PCDHA2: variants seen among roughly 807,000 people sequenced by gnomAD.
The protein encoded by PCDHA2 is protocadherin alpha-2.
Under a neutral mutation model 66.0 loss-of-function variants are expected in PCDHA2, and 58 were observed. That is an observed-to-expected ratio of 0.88 (90% CI 0.71 to 1.09). PCDHA2 has a LOEUF of 1.09. Among genes scored for constraint, PCDHA2 ranks in the 50% least tolerant of loss-of-function variants. PCDHA2 has a pLI of 0.00. For synonymous variants in PCDHA2, 634 were observed against 554.0 expected, an observed-to-expected ratio of 1.14 and a Z score of -2.03; for missense variants, 1,267 against 1,242.3, an observed-to-expected ratio of 1.02 and a Z score of -0.30.
At chr5:140,996,802 T>C (rs1554255415) in intron 3 of PCDHA2, among the ~76,000 whole-genome samples, 1 of 152,218 alleles carries the variant, frequency 6.6e-6, no homozygotes, top group Non-Finnish European at 1.5e-5. Flanking sequence ...CATCCAATCA[T>C]GCTTTCCAAA....
At chr5:140,967,346 G>A (rs1332345482) in intron 1 of PCDHA2, 1 of 1,607,970 alleles carries the variant, frequency 6.2e-7, no homozygotes, top group Non-Finnish European at 8.5e-7. Flanking sequence ...CGAGCACTTC[G>A]AGCTGGACCT....
At chr5:140,841,804 T>A in intron 1 of PCDHA2, 1 of 1,613,910 alleles carries the variant, frequency 6.2e-7, no homozygotes, top group African/African-American at 1.3e-5. Flanking sequence ...CCGATGCAGA[T>A]GTTGGAGCTA....
chr5:140,808,019 G>T (rs1764082833), intron 1 of PCDHA2: 1 of 1,613,708 alleles, frequency 6.2e-7, no homozygotes, highest in African/African-American at 1.3e-5. Flanking sequence ...TGGGGACATT[G>T]TTTATTCATT....
At chr5:140,994,197 G>A (rs1449482897) in intron 3 of PCDHA2, among the ~76,000 whole-genome samples, 1 of 152,196 alleles carries the variant, frequency 6.6e-6, no homozygotes. Context: ...GGGCCTGTTG[G>A]TCCAGAATGG....
At chr5:140,971,110 G>A (rs2096457221) in intron 1 of PCDHA2, among the ~76,000 whole-genome samples, 1 of 152,172 alleles carries the variant, frequency 6.6e-6, no homozygotes, top group Admixed American at 6.5e-5. Flanking sequence ...CTTTGGGATT[G>A]GGGTGGGCTA....
intron 3 of PCDHA2, among the ~76,000 whole-genome samples, chr5:140,991,361 G>C (rs1183124741): frequency 6.6e-6 from 1 of 152,200 alleles, no homozygotes; most frequent in Non-Finnish European, 1.5e-5. Context: ...ACTATTTACT[G>C]TCTGAGTTCT....
intron 1 of PCDHA2, chr5:140,876,915 C>A: frequency 6.2e-7 from 1 of 1,613,966 alleles, no homozygotes; most frequent in Non-Finnish European, 8.5e-7. Flanking sequence ...CGGCATGGGA[C>A]GCGGACGCGC....
chr5:140,854,977 T>TAAA (rs1554147539), intron 1 of PCDHA2, among the ~76,000 whole-genome samples: 1 of 149,962 alleles, frequency 6.7e-6, no homozygotes, highest in Non-Finnish European at 1.5e-5. Flanking sequence ...GAATTATAAT[T>TAAA]AAGATTCTTT....
chr5:140,977,314 C>T (rs905353961), intron 1 of PCDHA2, among the ~76,000 whole-genome samples: 1 of 152,152 alleles, frequency 6.6e-6, no homozygotes, highest in Non-Finnish European at 1.5e-5. Context: ...AACGATAGTG[C>T]TCCTGATGGC....
At chr5:140,839,954 T>G (rs1241310286) in intron 1 of PCDHA2, among the ~76,000 whole-genome samples, 1 of 151,716 alleles carries the variant, frequency 6.6e-6, no homozygotes, top group Non-Finnish European at 1.5e-5. Context: ...AGACAACATA[T>G]TTTCTGTAAA....
intron 1 of PCDHA2, among the ~76,000 whole-genome samples, chr5:140,917,068 GAGTTTAATGTAAAGTTCCCC>G (rs1192645655): frequency 1.3e-5 from 2 of 152,066 alleles, no homozygotes; most frequent in Non-Finnish European, 2.9e-5. Context: ...CGACAGCACC[GAGTTTAATGTAAAGTTCCCC>G]AGTTGCTGTG....
intron 1 of PCDHA2, among the ~76,000 whole-genome samples, chr5:140,941,215 C>CTTT (rs782548958): frequency 2.3e-4 from 24 of 104,510 alleles, no homozygotes; most frequent in African/African-American, 3.3e-4. Context: ...TTCTTTCTTC[C>CTTT]TTTCTTTCTT....
At chr5:140,806,488 C>G (rs1763738573) in intron 1 of PCDHA2, among the ~76,000 whole-genome samples, 1 of 152,216 alleles carries the variant, frequency 6.6e-6, no homozygotes, top group Non-Finnish European at 1.5e-5. Context: ...TCAGCCCTGA[C>G]ATGACTCAAG....
intron 1 of PCDHA2, among the ~76,000 whole-genome samples, chr5:140,831,520 C>CTT (rs2150195630): frequency 1.3e-4 from 16 of 122,400 alleles, no homozygotes; most frequent in East Asian, 4.9e-4. Flanking sequence ...TGCCCCCCAC[C>CTT]TTTTTTTTTT....
At chr5:140,980,448 G>A (rs1333028932) in intron 2 of PCDHA2, among the ~76,000 whole-genome samples, 7 of 152,122 alleles carry the variant, frequency 4.6e-5, no homozygotes, top group African/African-American at 9.7e-5. Flanking sequence ...TGGACAACAC[G>A]GTGAAACCCT....
chr5:140,902,024 C>T (rs1554190174), intron 1 of PCDHA2, among the ~76,000 whole-genome samples: 5 of 152,016 alleles, frequency 3.3e-5, no homozygotes, highest in Non-Finnish European at 1.5e-5. Flanking sequence ...TATAGAAATA[C>T]TACTAATTTT....
At position 140,858,257 on chromosome 5, in the gene PCDHA2, C is replaced by G; in HGVS notation, c.2388+60905C>G. ...CGCATGTGGGCCGGTGAAGCCCACGCTGGTGTGCTCTAGCGCGGTGGGGAG... is the reference window on the plus strand; with the variant it reads ...CGCATGTGGGCCGGTGAAGCCCACGGTGGTGTGCTCTAGCGCGGTGGGGAG... On this transcript the variant is annotated intron_variant, in intron 1 of 3. Transcript: ENST00000526136. 2 of 1,596,668 alleles carry G rather than the reference C, an allele frequency of 1.3e-6. 1 individual carries two copies. Among genetic ancestry groups the G allele is most frequent in the Non-Finnish European group, 1.7e-6 (2 of 1,166,542 alleles).
chr5:140,985,021 T>A (rs2097132867), intron 3 of PCDHA2, among the ~76,000 whole-genome samples: 1 of 151,956 alleles, frequency 6.6e-6, no homozygotes, highest in African/African-American at 2.4e-5. Flanking sequence ...CACAGCAACC[T>A]CTGCCTCCTG....
intron 1 of PCDHA2, chr5:140,854,600 A>G (rs1474878225): frequency 6.7e-6 from 1 of 149,994 alleles, no homozygotes; most frequent in African/African-American, 2.4e-5. Flanking sequence ...GTTTAAAGTA[A>G]TTGACACATT....
Sources: gnomAD v4.1 joint callset for allele counts (sites outside exome capture counted in the v4.1 genomes callset) on GRCh38, gnomAD v4.1.1 for gene constraint, MANE v1.5 for transcripts, NCBI Gene and HGNC (gene_info 2026-07-23, HGNC 2026-07-21) for gene names.